TBC1D12: variants seen among roughly 807,000 people sequenced by gnomAD.
The protein encoded by TBC1D12 is TBC1 domain family, member 12.
Under a neutral mutation model 86.7 loss-of-function variants are expected in TBC1D12, and 56 were observed. The ratio of observed to expected loss-of-function variants is 0.65; its 90% CI spans 0.52 to 0.81. TBC1D12 has a LOEUF of 0.81. Ranked by LOEUF, TBC1D12 falls within the 30% of genes least tolerant of loss-of-function variation. The probability of loss-of-function intolerance (pLI) is 0.00; values close to 1 mark genes in which losing one functional copy is unlikely to be tolerated. For synonymous variants in TBC1D12, 421 were observed against 411.7 expected, an observed-to-expected ratio of 1.02 and a Z score of -0.27; for missense variants, 1,023 against 1,038.8, an observed-to-expected ratio of 0.98 and a Z score of 0.21.
At chr10:94,481,914 G>T (rs2056083673) in intron 3 of TBC1D12, among the ~76,000 whole-genome samples, 1 of 152,070 alleles carries the variant, frequency 6.6e-6, no homozygotes, top group East Asian at 1.9e-4. Context: ...CGTAAATGAG[G>T]TGTCCATCCC....
intron 1 of TBC1D12, among the ~76,000 whole-genome samples, chr10:94,438,083 A>C (rs2055330921): frequency 7.1e-6 from 1 of 140,438 alleles, no homozygotes; most frequent in Non-Finnish European, 1.5e-5. Flanking sequence ...GATTTTTGTC[A>C]AATTCCTTTT....
chr10:94,442,085 T>A, intron 2 of TBC1D12, 66 bp downstream of exon 2: 6 of 517,350 alleles, frequency 1.2e-5, no homozygotes, highest in Non-Finnish European at 1.5e-5. Flanking sequence ...TCTTCTTCTT[T>A]TTTTTTTTTT....
At chr10:94,426,759 G>A (rs1447510238) in intron 1 of TBC1D12, among the ~76,000 whole-genome samples, 1 of 152,030 alleles carries the variant, frequency 6.6e-6, no homozygotes, top group Non-Finnish European at 1.5e-5. Context: ...TGTATTTTTA[G>A]TAGAGACAGA....
intron 9 of TBC1D12, among the ~76,000 whole-genome samples, chr10:94,515,793 G>A (rs957299493): frequency 3.9e-5 from 6 of 152,106 alleles, no homozygotes; most frequent in Admixed American, 6.5e-5. Flanking sequence ...TAATAAAGTA[G>A]AACAATTATA....
intron 1 of TBC1D12, 127 bp downstream of exon 1, chr10:94,403,711 C>A: frequency 8.5e-7 from 1 of 1,173,982 alleles, no homozygotes; most frequent in Non-Finnish European, 1.1e-6. Context: ...CCGTGCCAGC[C>A]CCACACGCGT....
chr10:94,403,499 G>A lies in TBC1D12; in HGVS notation c.886G>A (p.Val296Met). ...RDHLPPAGPP[V>M]PLPAAEQGPA... is the part of the protein sequence containing the mutation. ...TCACCTGCCCCCGGCGGGGCCGCCG[G>A]TGCCCTTGCCCGCCGCGGAGCAGGG... The change falls in exon 1 of 13, where the codon GTG (valine) becomes ATG (methionine). Residue 296 changes from valine to methionine, a missense_variant. Around this residue, in one of 2 missense-constraint regions of TBC1D12, gnomAD observed 628 missense variants for 531.1 expected, o/e 1.18. Transcript: ENST00000225235. The A allele has an allele frequency of 6.4e-7, 1 of 1,551,200 alleles. No individual in the cohort carries two copies. The highest frequency in any genetic ancestry group is 8.7e-7 in the Non-Finnish European group (1 of 1,150,664).
At chr10:94,455,244 G>C (rs571091440) in intron 2 of TBC1D12, among the ~76,000 whole-genome samples, 1 of 151,732 alleles carries the variant, frequency 6.6e-6, no homozygotes, top group Non-Finnish European at 1.5e-5. Context: ...ATCCCACTTG[G>C]TCATGGTATA....
At chr10:94,408,637 A>G (rs1360024864) in intron 1 of TBC1D12, among the ~76,000 whole-genome samples, 3 of 152,194 alleles carry the variant, frequency 2.0e-5, no homozygotes, top group Admixed American at 6.5e-5. Flanking sequence ...TGACAAAATC[A>G]TAATTCATCC....
chr10:94,510,058 A>G (rs2056507664), intron 7 of TBC1D12, 33 bp from the exon 8 acceptor site: 1 of 1,522,750 alleles, frequency 6.6e-7, no homozygotes, highest in African/African-American at 1.4e-5. Flanking sequence ...GAGCCAAGTG[A>G]TCATTTAAAT....
At position 94,474,685 on chromosome 10, in the gene TBC1D12, G is replaced by T; in HGVS notation, c.1113G>T (p.Thr371=). 1 of 1,613,904 alleles carries T rather than the reference G, an allele frequency of 6.2e-7. No homozygotes were observed. Among genetic ancestry groups the T allele is most frequent in the Non-Finnish European group, 8.5e-7 (1 of 1,179,914 alleles). ...TACTCTAGGAATATGAAGCACGAAC[G>T]GGGAGGACCTGTAAACCACCACCTC... ...KIIQQEYEAR[T]GRTCKPPPQS... The change falls in exon 3 of 13, where the codon ACG becomes ACT. Residue 371 remains threonine, a synonymous_variant. Transcript: ENST00000225235.
At chr10:94,410,893 A>C (rs946821484) in intron 1 of TBC1D12, among the ~76,000 whole-genome samples, 8 of 152,194 alleles carry the variant, frequency 5.3e-5, no homozygotes, top group African/African-American at 1.9e-4. Context: ...GGAGATTCAG[A>C]GTCCCTTCAG....
In TBC1D12 at chr10:94,485,756, T is replaced by A. The variant is rs143402638; in HGVS notation, c.1212-7609T>A. ...TTTTCTTTACTGGTAGACTTTTAAT[T>A]ACAACTCTGTAATTAAATGTTTTGT... On this transcript the variant is annotated intron_variant, in intron 3 of 12. Transcript: ENST00000225235. Among the ~76,000 whole-genome samples, 8 of 152,252 alleles carry A rather than the reference T, an allele frequency of 5.3e-5. No individual in the cohort carries two copies. The East Asian group carries it at 1.5e-3, about 29-fold the overall frequency.
At chr10:94,491,098 C>A (rs1417005180) in intron 3 of TBC1D12, among the ~76,000 whole-genome samples, 2 of 151,934 alleles carry the variant, frequency 1.3e-5, no homozygotes, top group Non-Finnish European at 2.9e-5. Flanking sequence ...TTGCTTATTT[C>A]TTTTCTCTTA....
At chr10:94,480,045 G>A (rs921840969) in intron 3 of TBC1D12, among the ~76,000 whole-genome samples, 2 of 152,126 alleles carry the variant, frequency 1.3e-5, no homozygotes, top group African/African-American at 4.8e-5. Context: ...TCCACTAATC[G>A]CCTGACCTCT....
At position 94,520,331 on chromosome 10, in the gene TBC1D12, T is replaced by A. The variant is rs1015917091; in HGVS notation, c.1762-1624T>A. On this transcript the variant is annotated intron_variant, in intron 9 of 12. Coordinates refer to ENST00000225235, the MANE Select transcript of TBC1D12 (RefSeq NM_015188.2). Reference sequence around the variant, plus strand: ...ACTTTGGGAGGCCGAGGTGGGTGGATCACCTGAGGTCGGGAGTTCAAGACC... The same window carrying A: ...ACTTTGGGAGGCCGAGGTGGGTGGAACACCTGAGGTCGGGAGTTCAAGACC... 3.4e-4 allele frequency among the ~76,000 whole-genome samples: 51 copies of A among 152,002 alleles called. No individual in the cohort carries two copies. The East Asian group carries it at 5.3e-3, about 16-fold the overall frequency.
intron 9 of TBC1D12, among the ~76,000 whole-genome samples, chr10:94,518,292 C>T (rs1206341818): frequency 6.6e-6 from 1 of 151,918 alleles, no homozygotes; most frequent in Non-Finnish European, 1.5e-5. Context: ...CAGCTCACTG[C>T]AACCTCCGCC....
In TBC1D12 at chr10:94,514,536, G is replaced by A. The variant is rs182199524; in HGVS notation, c.1761+2882G>A. On this transcript the variant is annotated intron_variant, in intron 9 of 12. Transcript: ENST00000225235. ...TGCAATATTTGCTTTTCTGTTTTTTGCCTTATTTCACTTAGCATAATGTTC... is the reference window on the plus strand; with the variant it reads ...TGCAATATTTGCTTTTCTGTTTTTTACCTTATTTCACTTAGCATAATGTTC... Among the ~76,000 whole-genome samples, 172 of 152,116 alleles carry A rather than the reference G, an allele frequency of 1.1e-3. 2 individuals carry two copies. The highest frequency in any genetic ancestry group is 2.1e-3 in the Non-Finnish European group (141 of 67,986).
chr10:94,467,754 CAG>C (rs1214299513), intron 2 of TBC1D12, among the ~76,000 whole-genome samples: 1 of 152,088 alleles, frequency 6.6e-6, no homozygotes. Flanking sequence ...GTTTTTGAGA[CAG>C]GGTCTCTATT....
At chr10:94,463,640 A>G (rs1036129911) in intron 2 of TBC1D12, among the ~76,000 whole-genome samples, 3 of 152,204 alleles carry the variant, frequency 2.0e-5, no homozygotes, top group Admixed American at 6.5e-5. Context: ...TATTCAAACC[A>G]TAACAGTCAG....
Sources: allele counts gnomAD v4.1 joint callset (sites outside exome capture counted in the v4.1 genomes callset), GRCh38; gene constraint gnomAD v4.1.1; regional missense constraint gnomAD v4.1.1; transcripts MANE v1.5; gene names NCBI Gene and HGNC (gene_info 2026-07-23, HGNC 2026-07-21).